Variants in GRM8 observed in about 807,000 individuals in gnomAD.
GRM8 encodes metabotropic glutamate receptor 8.
In GRM8, 47 loss-of-function variants were observed where a neutral mutation model predicts 87.2. The ratio of observed to expected loss-of-function variants is 0.54; its 90% confidence interval spans 0.43 to 0.69. The LOEUF is 0.69. Ranked by LOEUF, GRM8 falls within the 30% of genes least tolerant of loss-of-function variation. GRM8 has a pLI of 0.00. For synonymous variants in GRM8, 396 were observed against 404.5 expected (o/e 0.98, Z 0.25); for missense variants, 1,019 against 1,139.2 (o/e 0.89, Z 1.52).
At chr7:126,661,920 G>A (rs888881771) in intron 7 of GRM8, among the ~76,000 whole-genome samples, 1 of 151,902 alleles carries the variant, frequency 6.6e-6, no homozygotes, top group Non-Finnish European at 1.5e-5. Flanking sequence ...GTGGATTTCT[G>A]TCTTGTCTCA....
chr7:126,605,073 G>A (rs897309857), intron 8 of GRM8, among the ~76,000 whole-genome samples: 3 of 151,536 alleles, frequency 2.0e-5, no homozygotes, highest in Non-Finnish European at 4.4e-5. Context: ...GTTGGAAAAA[G>A]CATTAAAAAA....
At chr7:126,703,026 C>G (rs942516932) in intron 7 of GRM8, among the ~76,000 whole-genome samples, 1 of 151,990 alleles carries the variant, frequency 6.6e-6, no homozygotes, top group African/African-American at 2.4e-5. Context: ...GGTGGGAATG[C>G]GGAAAATGAG....
At chr7:127,133,550 C>T (rs1341825531) in intron 2 of GRM8, among the ~76,000 whole-genome samples, 2 of 148,774 alleles carry the variant, frequency 1.3e-5, no homozygotes, top group Admixed American at 1.3e-4. Flanking sequence ...ACTAAACATA[C>T]AAAAAATTAG....
At chr7:126,468,746 C>T (rs946089200) in intron 9 of GRM8, among the ~76,000 whole-genome samples, 1 of 152,058 alleles carries the variant, frequency 6.6e-6, no homozygotes, top group Non-Finnish European at 1.5e-5. Flanking sequence ...TAAAAGCTAC[C>T]AGAATGCTGA....
chr7:126,787,585 A>G (rs532371771), intron 6 of GRM8, among the ~76,000 whole-genome samples: 1 of 152,302 alleles, frequency 6.6e-6, no homozygotes, highest in African/African-American at 2.4e-5. Context: ...AACCTATGAG[A>G]AAACATTCTC....
At chr7:126,517,161 G>A (rs924384336) in intron 9 of GRM8, among the ~76,000 whole-genome samples, 1 of 152,032 alleles carries the variant, frequency 6.6e-6, no homozygotes, top group African/African-American at 2.4e-5. Flanking sequence ...AGAGTACAAT[G>A]CTTATAGGTA....
At chr7:126,670,439 A>G (rs1563077275) in intron 7 of GRM8, among the ~76,000 whole-genome samples, 1 of 152,202 alleles carries the variant, frequency 6.6e-6, no homozygotes, top group Non-Finnish European at 1.5e-5. Context: ...TATGCCATAA[A>G]TCATAATTAA....
At chr7:126,858,358 C>T (rs1345855919) in intron 6 of GRM8, among the ~76,000 whole-genome samples, 2 of 152,078 alleles carry the variant, frequency 1.3e-5, no homozygotes, top group African/African-American at 2.4e-5. Flanking sequence ...ACAGAAAAAC[C>T]CAAATTCCCA....
At chr7:127,169,631 G>C (rs1793670865) in intron 2 of GRM8, among the ~76,000 whole-genome samples, 1 of 151,760 alleles carries the variant, frequency 6.6e-6, no homozygotes, top group Admixed American at 6.5e-5. Flanking sequence ...AGAGAGGAAA[G>C]CTCAATGCTT....
chr7:126,872,836 C>T (rs1016131992), intron 6 of GRM8, among the ~76,000 whole-genome samples: 5 of 152,128 alleles, frequency 3.3e-5, no homozygotes, highest in South Asian at 2.1e-4. Context: ...TCATTTGAGC[C>T]GCTCTTTAAT....
At chr7:126,788,249 A>G (rs1820841531) in intron 6 of GRM8, among the ~76,000 whole-genome samples, 1 of 151,652 alleles carries the variant, frequency 6.6e-6, no homozygotes. Flanking sequence ...ATCTCTAATA[A>G]AAATACAAAA....
At chr7:127,140,364 C>A (rs768851203) in intron 2 of GRM8, among the ~76,000 whole-genome samples, 1 of 152,140 alleles carries the variant, frequency 6.6e-6, no homozygotes, top group Non-Finnish European at 1.5e-5. Context: ...CCTGAGACAG[C>A]AAATCTCTTC....
intron 9 of GRM8, among the ~76,000 whole-genome samples, chr7:126,518,715 T>C (rs1477125095): frequency 3.3e-5 from 5 of 152,104 alleles, no homozygotes; most frequent in African/African-American, 4.8e-5. Flanking sequence ...TCACTGAATA[T>C]GCATAATAAT....
chr7:126,820,902 A>G (rs938430455), intron 6 of GRM8, among the ~76,000 whole-genome samples: 2 of 152,232 alleles, frequency 1.3e-5, no homozygotes, highest in South Asian at 2.1e-4. Flanking sequence ...GGAGTTTGAG[A>G]GCAGCCTGGG....
intron 3 of GRM8, among the ~76,000 whole-genome samples, chr7:127,097,060 C>A (rs1298179181): frequency 6.6e-6 from 1 of 152,078 alleles, no homozygotes; most frequent in East Asian, 1.9e-4. Flanking sequence ...CTGTTACATG[C>A]CAGGTACTAT....
intron 3 of GRM8, among the ~76,000 whole-genome samples, chr7:127,104,555 A>C (rs1452171475): frequency 1.3e-5 from 2 of 152,212 alleles, no homozygotes; most frequent in African/African-American, 2.4e-5. Context: ...TGGCCTTTTC[A>C]GTATTCTGCA....
At chr7:127,150,101 T>A (rs147313784) in intron 2 of GRM8, among the ~76,000 whole-genome samples, 2 of 152,154 alleles carry the variant, frequency 1.3e-5, no homozygotes, top group South Asian at 4.1e-4. Context: ...CTTTTTACTA[T>A]CCACATGTAT....
chr7:126,700,853 C>T (rs970360246), intron 7 of GRM8, among the ~76,000 whole-genome samples: 4 of 152,176 alleles, frequency 2.6e-5, no homozygotes, highest in African/African-American at 9.6e-5. Context: ...TTGTCCTGTT[C>T]CCAAGATACT....
intron 9 of GRM8, among the ~76,000 whole-genome samples, chr7:126,481,737 G>A (rs1282057514): frequency 9.2e-5 from 14 of 151,960 alleles, no homozygotes; most frequent in Admixed American, 9.2e-4. Context: ...TAGATCTTAC[G>A]ACTCAAAGAG....
Sources: gnomAD v4.1 joint callset for allele counts (sites outside exome capture counted in the v4.1 genomes callset) on GRCh38, gnomAD v4.1.1 for gene constraint, MANE v1.5 for transcripts, NCBI Gene and HGNC (gene_info 2026-07-23, HGNC 2026-07-21) for gene names.